The following ZNF680 variants were observed in gnomAD, a reference collection of about 807,000 sequenced individuals.
ZNF680 encodes the protein zinc finger protein 680.
In ZNF680, 6 loss-of-function variants were observed where a neutral mutation model predicts 12.1. The observed-to-expected ratio is 0.49, with a 90% CI of 0.27 to 0.98. The LOEUF is 0.98. Ranked by LOEUF, ZNF680 falls within the 50% of genes least tolerant of loss-of-function variation. The pLI is 0.12. For synonymous variants in ZNF680, 170 were observed against 199.3 expected (o/e 0.85, Z 1.24); for missense variants, 561 against 616.3 (o/e 0.91, Z 0.95).
intron 3 of ZNF680, among the ~76,000 whole-genome samples, chr7:64,531,470 G>A (rs1267866580): frequency 6.6e-6 from 1 of 151,832 alleles, no homozygotes; most frequent in East Asian, 2.0e-4. Flanking sequence ...GGTGGCGGGT[G>A]CCTGTAGTCC....
At chr7:64,554,281 C>G (rs1469374122) in intron 1 of ZNF680, among the ~76,000 whole-genome samples, 2 of 151,650 alleles carry the variant, frequency 1.3e-5, no homozygotes, top group East Asian at 3.9e-4. Flanking sequence ...GCCGCCAACC[C>G]GTCTGGGAAG....
the ZNF680 span, chr7:64,501,757 C>G: frequency 3.5e-6 from 3 of 852,470 alleles, no homozygotes; most frequent in African/African-American, 5.0e-5. Context: ...GAAATCTTAT[C>G]CCAATATTTG....
the ZNF680 span, among the ~76,000 whole-genome samples, chr7:64,513,943 CA>C: frequency 6.6e-6 from 1 of 152,108 alleles, no homozygotes; most frequent in Non-Finnish European, 1.5e-5. Flanking sequence ...CACACCTGGC[CA>C]ATCAAAATTT....
the ZNF680 span, chr7:64,501,054 C>T: frequency 7.1e-5 from 55 of 771,888 alleles, no homozygotes; most frequent in Non-Finnish European, 1.2e-4. Flanking sequence ...TAATTGCTGG[C>T]CAGGTTTTAG....
chr7:64,514,039 T>C, the ZNF680 span, among the ~76,000 whole-genome samples: 3 of 152,166 alleles, frequency 2.0e-5, no homozygotes, highest in Non-Finnish European at 1.5e-5. Context: ...CTTACGGTAA[T>C]TTAAAATTTT....
intron 3 of ZNF680, chr7:64,526,505 A>G (rs764909449): frequency 2.6e-6 from 2 of 767,876 alleles, no homozygotes; most frequent in South Asian, 3.7e-5. Flanking sequence ...AGCCTGAGCA[A>G]CACAGTAAGA....
chr7:64,549,265 G>T (rs1366215963), intron 1 of ZNF680, among the ~76,000 whole-genome samples: 1 of 152,158 alleles, frequency 6.6e-6, no homozygotes, highest in Non-Finnish European at 1.5e-5. Flanking sequence ...TACAGCTGTG[G>T]TCATGGCTTT....
downstream of ZNF680, among the ~76,000 whole-genome samples, chr7:64,515,071 CACAG>C (rs1159508231): frequency 1.8e-4 from 27 of 146,822 alleles, no homozygotes; most frequent in African/African-American, 6.7e-4. Flanking sequence ...CACACACACA[CACAG>C]ACACACCCAC....
intron 1 of ZNF680, among the ~76,000 whole-genome samples, chr7:64,554,750 G>T (rs931812551): frequency 6.6e-6 from 1 of 152,038 alleles, no homozygotes. Context: ...GATTAAGGGC[G>T]GTGCAAGATG....
intron 3 of ZNF680, chr7:64,526,438 C>A: frequency 6.7e-7 from 1 of 1,492,906 alleles, no homozygotes; most frequent in South Asian, 1.3e-5. Flanking sequence ...TTCTGTAATC[C>A]CACATCTTTA....
At chr7:64,527,292 G>C (rs1013039219) in intron 3 of ZNF680, among the ~76,000 whole-genome samples, 1 of 151,906 alleles carries the variant, frequency 6.6e-6, no homozygotes, top group African/African-American at 2.4e-5. Context: ...AATGAACAAT[G>C]AAAAAGAAAA....
At position 64,558,037 on chromosome 7, in the gene ZNF680, C is replaced by T. The variant is rs142012037; in HGVS notation, c.30+4888G>A. On this transcript the variant is annotated intron_variant, in intron 1 of 3. Transcript: ENST00000309683. ...TAAAAGTTAAAAGGAATAAAATCCACAGGTGGAGGATAGTGCAATGTAGGT... is the reference window on the plus strand; with the variant it reads ...TAAAAGTTAAAAGGAATAAAATCCATAGGTGGAGGATAGTGCAATGTAGGT... 1.6e-4 allele frequency among the ~76,000 whole-genome samples: 25 copies of T among 152,286 alleles called. No individual in the cohort carries two copies. The East Asian group carries it at 4.2e-3, about 26-fold the overall frequency.
Position 64,521,774 on chromosome 7 carries a change from C to T in ZNF680, c.980G>A (p.Cys327Tyr). ...TGEKPFKCEE[C>Y]GKDFNQFSNL... is the part of the protein sequence containing the mutation. ...TGAAAACTGGTTAAAGTCTTTGCCA[C>T]ATTCTTCACATTTGAAGGGTTTCTC... The change falls in exon 4 of 4, where the codon TGT becomes TAT. Residue 327 changes from cysteine to tyrosine, a missense_variant. Transcript: ENST00000309683. The T allele has an allele frequency of 6.2e-7, 1 of 1,613,048 alleles. No homozygotes were observed. The highest frequency in any genetic ancestry group is 2.2e-5 in the East Asian group (1 of 44,846).
At chr7:64,499,772 A>C in the ZNF680 span, among the ~76,000 whole-genome samples, 1 of 152,164 alleles carries the variant, frequency 6.6e-6, no homozygotes, top group East Asian at 1.9e-4. Flanking sequence ...AAAAACAGCC[A>C]GCTCGGGCAC....
chr7:64,501,509 CG>C, the ZNF680 span: 1 of 793,324 alleles, frequency 1.3e-6, no homozygotes, highest in African/African-American at 1.7e-5. Flanking sequence ...AGATGAAGAA[CG>C]GTAAGTGAGA....
At chr7:64,542,424 T>C (rs903015666) in intron 3 of ZNF680, among the ~76,000 whole-genome samples, 1 of 152,074 alleles carries the variant, frequency 6.6e-6, no homozygotes, top group Non-Finnish European at 1.5e-5. Flanking sequence ...GACAAATGAG[T>C]AAAAACTTGC....
At chr7:64,559,240 G>A (rs1787589525) in intron 1 of ZNF680, among the ~76,000 whole-genome samples, 1 of 152,152 alleles carries the variant, frequency 6.6e-6, no homozygotes, top group Non-Finnish European at 1.5e-5. Flanking sequence ...GGTCCCAAGA[G>A]TTTATTTTCC....
chr7:64,541,309 A>G (rs1168215126), intron 3 of ZNF680, among the ~76,000 whole-genome samples: 1 of 152,208 alleles, frequency 6.6e-6, no homozygotes, highest in East Asian at 1.9e-4. Context: ...GAAAATAGAA[A>G]GTAAAAATGT....
chr7:64,510,573 C>A, the ZNF680 span, among the ~76,000 whole-genome samples: 34,019 of 151,498 alleles, frequency 0.22, 4,018 homozygotes, highest in South Asian at 0.28. Context: ...GGGGGTCTTT[C>A]AAAAAGGCAC....
Sources: allele counts gnomAD v4.1 joint callset (sites outside exome capture counted in the v4.1 genomes callset), GRCh38; gene constraint gnomAD v4.1.1; transcripts MANE v1.5; gene names NCBI Gene and HGNC (gene_info 2026-07-23, HGNC 2026-07-21).